HTR4: variants seen among roughly 807,000 people sequenced by gnomAD.
The protein encoded by HTR4 is 5-hydroxytryptamine (serotonin) receptor 4, G protein-coupled.
A neutral mutation model predicts 36.8 loss-of-function variants in HTR4; 16 were observed. The ratio of observed to expected loss-of-function variants is 0.43; its 90% CI spans 0.29 to 0.66. The LOEUF (loss-of-function observed/expected upper bound fraction) is 0.66. HTR4 is among the 30% of genes least tolerant of loss of function. The probability of loss-of-function intolerance (pLI) is 0.13; values close to 1 mark genes in which losing one functional copy is unlikely to be tolerated. For missense variants in HTR4, 438 were observed against 490.9 expected (o/e 0.89, Z 1.02); for synonymous variants, 189 against 185.1 (o/e 1.02, Z -0.17).
intron 2 of HTR4, among the ~76,000 whole-genome samples, chr5:148,589,306 C>T (rs867053656): frequency 1.5e-4 from 23 of 152,188 alleles, no homozygotes; most frequent in Admixed American, 3.9e-4. Flanking sequence ...AATTGCTCTT[C>T]AAAATAATTA....
chr5:148,541,903 C>T (rs1759134525), intron 4 of HTR4, among the ~76,000 whole-genome samples: 1 of 152,192 alleles, frequency 6.6e-6, no homozygotes, highest in African/African-American at 2.4e-5. Flanking sequence ...ATCAGCATCA[C>T]TTGCTCAGGA....
downstream of HTR4, among the ~76,000 whole-genome samples, chr5:148,473,277 G>A (rs1340367565): frequency 6.7e-6 from 1 of 149,438 alleles, no homozygotes; most frequent in Non-Finnish European, 1.5e-5. Flanking sequence ...ATTCCAGCCT[G>A]GGCAACAGAG....
At chr5:148,638,187 G>A (rs905163731) in intron 1 of HTR4, among the ~76,000 whole-genome samples, 2 of 152,078 alleles carry the variant, frequency 1.3e-5, no homozygotes, top group Non-Finnish European at 2.9e-5. Flanking sequence ...TGTGTTTTTC[G>A]ATGTTTGTTT....
intron 5 of HTR4, among the ~76,000 whole-genome samples, chr5:148,452,866 G>A (rs970692273): frequency 1.3e-5 from 2 of 152,198 alleles, no homozygotes; most frequent in Non-Finnish European, 1.5e-5. Context: ...GCCAGGAAAT[G>A]TCCCAGTGAG....
At chr5:148,509,316 C>A (rs895687997) in intron 6 of HTR4, 140 bp downstream of exon 6, 1 of 635,770 alleles carries the variant, frequency 1.6e-6, no homozygotes, top group Non-Finnish European at 2.7e-6. Flanking sequence ...ATTCCATGAC[C>A]AGATAGTAGA....
chr5:148,635,600 A>G (rs1258079135), intron 2 of HTR4, among the ~76,000 whole-genome samples: 1 of 152,230 alleles, frequency 6.6e-6, no homozygotes, highest in Non-Finnish European at 1.5e-5. Context: ...AGCTCATAAT[A>G]TCTGAATTAT....
intron 2 of HTR4, among the ~76,000 whole-genome samples, chr5:148,576,124 A>AAAAAAAAAAAT (rs1760901506): frequency 6.8e-6 from 1 of 147,416 alleles, no homozygotes; most frequent in African/African-American, 2.5e-5. Flanking sequence ...AAAAAAAAAA[A>AAAAAAAAAAAT]AAAAAAAAAC....
At chr5:148,625,609 T>A (rs1168423918) in intron 2 of HTR4, among the ~76,000 whole-genome samples, 1 of 152,098 alleles carries the variant, frequency 6.6e-6, no homozygotes, top group Non-Finnish European at 1.5e-5. Flanking sequence ...TTAGACAGAG[T>A]CTTGCCTTGT....
At chr5:148,573,097 G>C (rs1289424242) in intron 2 of HTR4, among the ~76,000 whole-genome samples, 1 of 152,068 alleles carries the variant, frequency 6.6e-6, no homozygotes, top group Non-Finnish European at 1.5e-5. Context: ...TCTGAACACT[G>C]TCATGCAGTT....
intron 4 of HTR4, among the ~76,000 whole-genome samples, chr5:148,547,557 A>T (rs1581457775): frequency 9.4e-6 from 1 of 106,556 alleles, no homozygotes. Context: ...AAAATAAAAT[A>T]AAATAAAATA....
At chr5:148,557,844 T>C (rs943208266) in intron 2 of HTR4, among the ~76,000 whole-genome samples, 34 of 150,716 alleles carry the variant, frequency 2.3e-4, no homozygotes, top group African/African-American at 8.2e-4. Context: ...TACTTCAAGA[T>C]CACTCCTAAG....
chr5:148,580,211 G>C (rs905080570), intron 2 of HTR4, among the ~76,000 whole-genome samples: 12 of 151,996 alleles, frequency 7.9e-5, no homozygotes, highest in African/African-American at 2.9e-4. Flanking sequence ...ATTATGCTCA[G>C]GATTAGGCTG....
chr5:148,582,470 T>G (rs775258989), intron 2 of HTR4, among the ~76,000 whole-genome samples: 1 of 151,964 alleles, frequency 6.6e-6, no homozygotes, highest in Non-Finnish European at 1.5e-5. Flanking sequence ...CATCCCTCCC[T>G]CCTCTAGTGG....
chr5:148,576,284 A>G (rs1242434170), intron 2 of HTR4, among the ~76,000 whole-genome samples: 1 of 151,942 alleles, frequency 6.6e-6, no homozygotes, highest in Non-Finnish European at 1.5e-5. Flanking sequence ...GATCTCTGCA[A>G]TGAGAATTAC....
chr5:148,649,516 G>T (rs1415653200), intron 1 of HTR4, among the ~76,000 whole-genome samples: 1 of 152,120 alleles, frequency 6.6e-6, no homozygotes, highest in Non-Finnish European at 1.5e-5. Flanking sequence ...AATTTATCTG[G>T]CAGTAGACAA....
intron 2 of HTR4, among the ~76,000 whole-genome samples, chr5:148,560,043 A>C (rs1380135090): frequency 6.6e-6 from 1 of 152,086 alleles, no homozygotes; most frequent in Admixed American, 6.6e-5. Context: ...TGTTACACTT[A>C]TTTGAAATCC....
chr5:148,525,795 C>T (rs1264516647), intron 4 of HTR4, among the ~76,000 whole-genome samples: 2 of 152,142 alleles, frequency 1.3e-5, no homozygotes, highest in African/African-American at 4.8e-5. Flanking sequence ...ATGTTGAATT[C>T]CCAACTCTCA....
intron 4 of HTR4, among the ~76,000 whole-genome samples, chr5:148,529,751 A>G (rs1758463698): frequency 6.6e-6 from 1 of 152,218 alleles, no homozygotes. Flanking sequence ...AGAAGACAGG[A>G]AGATGTGAGA....
chr5:148,555,970 A>T (rs1990935), intron 2 of HTR4, among the ~76,000 whole-genome samples: 36,905 of 146,276 alleles, frequency 0.25, 5,450 homozygotes, highest in Non-Finnish European at 0.35. Flanking sequence ...ACACACACAC[A>T]CTCTCTCTCT....
Sources: gnomAD v4.1 joint callset for allele counts (sites outside exome capture counted in the v4.1 genomes callset) on GRCh38, gnomAD v4.1.1 for gene constraint, MANE v1.5 for transcripts, NCBI Gene and HGNC (gene_info 2026-07-23, HGNC 2026-07-21) for gene names.